Variants in PCDHGC3 observed in about 807,000 individuals in gnomAD.
PCDHGC3 encodes the protein protocadherin gamma-C3.
In PCDHGC3, 26 loss-of-function variants were observed where a neutral mutation model predicts 59.2. That is an observed-to-expected ratio of 0.44 (90% CI 0.32 to 0.61). The LOEUF (loss-of-function observed/expected upper bound fraction) is 0.61, where lower values mean the gene tolerates loss of function less well. PCDHGC3 is among the 20% of genes least tolerant of loss of function. The pLI, the probability that PCDHGC3 is intolerant of heterozygous loss-of-function variation, is 0.05. For synonymous variants in PCDHGC3, 487 were observed against 519.7 expected, an observed-to-expected ratio of 0.94 and a Z score of 0.86; for missense variants, 1,080 against 1,221.8, an observed-to-expected ratio of 0.88 and a Z score of 1.73.
intron 1 of PCDHGC3, among the ~76,000 whole-genome samples, chr5:141,494,397 A>G (rs965158973): frequency 7.2e-5 from 11 of 152,208 alleles, no homozygotes; most frequent in African/African-American, 2.4e-4. Flanking sequence ...GAATAAATTC[A>G]TTCTAGGGCT....
At chr5:141,484,352 T>A (rs112226980) in intron 1 of PCDHGC3, among the ~76,000 whole-genome samples, 8,127 of 152,270 alleles carry the variant, frequency 0.053, 445 homozygotes, top group African/African-American at 0.15. Context: ...TAATTTAGTG[T>A]ATCTAGTGTA....
At position 141,486,679 on chromosome 5, in the gene PCDHGC3, A is replaced by G. The variant is rs1416879364; in HGVS notation, c.2431-8128A>G. The G allele has an allele frequency of 6.2e-7, 1 of 1,614,092 alleles. No individual in the cohort carries two copies. The highest frequency in any genetic ancestry group is 1.7e-5 in the Admixed American group (1 of 60,026). On this transcript the variant is annotated intron_variant, in intron 1 of 3. Coordinates refer to ENST00000308177, the MANE Select transcript of PCDHGC3 (RefSeq NM_002588.4). The surrounding 1 kb of genome is among the most constrained non-coding windows in gnomAD (Gnocchi z 5.0). Reference sequence around the variant, plus strand: ...TCCTGGAGCCCAGGAATCGAGATGTATCAGCTTCCTCTTTCATCTCTCTGA... The same window carrying G: ...TCCTGGAGCCCAGGAATCGAGATGTGTCAGCTTCCTCTTTCATCTCTCTGA...
chr5:141,492,274 A>C (rs2099739010), intron 1 of PCDHGC3, among the ~76,000 whole-genome samples: 1 of 152,024 alleles, frequency 6.6e-6, no homozygotes, highest in Non-Finnish European at 1.5e-5. Flanking sequence ...CGGGCTCGCC[A>C]CGCCCCGCCA....
chr5:141,506,025 A>T (rs2099850088), intron 3 of PCDHGC3, among the ~76,000 whole-genome samples: 1 of 152,150 alleles, frequency 6.6e-6, no homozygotes, highest in African/African-American at 2.4e-5. Context: ...CCCTAACTCC[A>T]GAGTAGGATT....
intron 3 of PCDHGC3, among the ~76,000 whole-genome samples, chr5:141,507,802 T>G (rs886950696): frequency 6.6e-6 from 1 of 152,204 alleles, no homozygotes; most frequent in African/African-American, 2.4e-5. Context: ...GCCTGCGCCC[T>G]GGGGAACGGA....
chr5:141,489,397 G>T lies in PCDHGC3; in HGVS notation c.2431-5410G>T. ...GGTGGGGAATGTTGCTCAGGATCTG[G>T]GCTTAAAGATGACAGATCTGTTGAG... On this transcript the variant is annotated intron_variant, in intron 1 of 3. Coordinates refer to ENST00000308177, the MANE Select transcript of PCDHGC3 (RefSeq NM_002588.4). The surrounding 1 kb of genome is among the most constrained non-coding windows in gnomAD (Gnocchi z 4.5). 2 of 1,614,176 alleles carry T rather than the reference G, an allele frequency of 1.2e-6. No individual in the cohort carries two copies. Among genetic ancestry groups the T allele is most frequent in the Non-Finnish European group, 1.7e-6 (2 of 1,180,038 alleles).
Position 141,486,369 on chromosome 5 carries a change from C to A in PCDHGC3, c.2430+7823C>A. On this transcript the variant is annotated intron_variant, in intron 1 of 3. Coordinates refer to ENST00000308177, the MANE Select transcript of PCDHGC3 (RefSeq NM_002588.4). This position sits in a 1 kb window ranked among gnomAD's most constrained non-coding sequence, Gnocchi z 5.0. ...GACCACTTGCCATTTGCCCTCAAGT[C>A]TGCCTTCAGGAACCAGTTCTCCCTG... 6.2e-7 allele frequency: 1 copy of A among 1,614,128 alleles called. No individual in the cohort carries two copies. Among genetic ancestry groups the A allele is most frequent in the African/African-American group, 1.3e-5 (1 of 75,048 alleles).
rs1329435709 is a variant in PCDHGC3 at position 141,485,726 on chromosome 5, C to T, written c.2430+7180C>T. ...ACACTTTGCACTGGATGTGAAGAAGCGCAGCGACGGCAGCCTGGTCCCAGA... is the reference window on the plus strand; with the variant it reads ...ACACTTTGCACTGGATGTGAAGAAGTGCAGCGACGGCAGCCTGGTCCCAGA... On this transcript the variant is annotated intron_variant, in intron 1 of 3. Coordinates refer to ENST00000308177, the MANE Select transcript of PCDHGC3 (RefSeq NM_002588.4). This position sits in a 1 kb window ranked among gnomAD's most constrained non-coding sequence, Gnocchi z 5.7. 2 of 1,614,138 alleles carry T rather than the reference C, an allele frequency of 1.2e-6. No homozygotes were observed. The highest frequency in any genetic ancestry group is 8.5e-7 in the Non-Finnish European group (1 of 1,180,024).
rs1367772661 is a variant in PCDHGC3, at chr5:141,512,193, GGAAGCTC to G, written c.*1026_*1032del. 2.0e-5 allele frequency: 3 copies of G among 152,756 alleles called. No homozygotes were observed. Among genetic ancestry groups the G allele is most frequent in the Non-Finnish European group, 4.4e-5 (3 of 68,136 alleles). 9.5% of individuals were successfully genotyped at this position (152,756 alleles called of 1,614,324 possible). ...GGATTAAACTGGCATTTCAGTCCAAGGAAGCTCGAAGCAGGTTTAGGACCAGGTCCCC... is the reference window on the plus strand; with the variant it reads ...GGATTAAACTGGCATTTCAGTCCAAGGAAGCAGGTTTAGGACCAGGTCCCC... On this transcript the variant is annotated 3_prime_UTR_variant, in exon 4 of 4. Coordinates refer to ENST00000308177, the MANE Select transcript of PCDHGC3 (RefSeq NM_002588.4).
At chr5:141,497,464 T>G (rs1277760390) in intron 2 of PCDHGC3, among the ~76,000 whole-genome samples, 1 of 151,764 alleles carries the variant, frequency 6.6e-6, no homozygotes, top group Non-Finnish European at 1.5e-5. Flanking sequence ...CTTGGAGATA[T>G]GGAGGAGAAG....
chr5:141,500,184 T>TTTTTTTTATTTA (rs1554186429), intron 2 of PCDHGC3, among the ~76,000 whole-genome samples: 16 of 135,886 alleles, frequency 1.2e-4, no homozygotes, highest in African/African-American at 4.3e-4. Context: ...TCATTTTTAT[T>TTTTTTTTATTTA]TTTATTTATT....
Position 141,487,503 on chromosome 5 carries a change from C to T in PCDHGC3, c.2431-7304C>T. On this transcript the variant is annotated intron_variant, in intron 1 of 3. Transcript: ENST00000308177. The surrounding 1 kb of genome is among the most constrained non-coding windows in gnomAD (Gnocchi z 5.0). The stretch of plus-strand genomic sequence containing the variant: ...TCTCATGGCTGTACACCCTTGGCTT[C>T]TGCACCCACTCGGAGTGATAGCTTC... 1 of 1,614,220 alleles carries T rather than the reference C, an allele frequency of 6.2e-7. No homozygotes were observed. Among genetic ancestry groups the T allele is most frequent in the Non-Finnish European group, 8.5e-7 (1 of 1,180,042 alleles).
At position 141,475,990 on chromosome 5, in the gene PCDHGC3, A is replaced by T; in HGVS notation, c.-127A>T. ...CAGAGACTGAACAGCCGGCGAGCAA[A>T]TCAACGGCATCCAGAAAGCCATGTC... On this transcript the variant is annotated 5_prime_UTR_variant, in exon 1 of 4. Transcript: ENST00000308177. 1 of 1,140,672 alleles carries T rather than the reference A, an allele frequency of 8.8e-7. No homozygotes were observed. The highest frequency in any genetic ancestry group is 1.2e-6 in the Non-Finnish European group (1 of 808,588). The allele number at this position is 1,140,672 out of a possible 1,614,324, so 70.7% of individuals were successfully genotyped here. A position where few individuals can be genotyped will look rare whatever the true frequency, so the allele number is the denominator to read the frequency against.
In PCDHGC3 at chr5:141,487,568, C is replaced by T. The variant is rs752378906; in HGVS notation, c.2431-7239C>T. Reference sequence around the variant, plus strand: ...ACCCAGTGCACCTATGGCAGGGGAGCCTGTTCGCCCAAGCTGCCCACCCTC... The same window carrying T: ...ACCCAGTGCACCTATGGCAGGGGAGTCTGTTCGCCCAAGCTGCCCACCCTC... On this transcript the variant is annotated intron_variant, in intron 1 of 3. Transcript: ENST00000308177. This position sits in a 1 kb window ranked among gnomAD's most constrained non-coding sequence, Gnocchi z 5.0. The T allele has an allele frequency of 1.2e-6, 2 of 1,614,180 alleles. No individual in the cohort carries two copies. The highest frequency in any genetic ancestry group is 1.7e-6 in the Non-Finnish European group (2 of 1,180,042).
chr5:141,483,870 G>C (rs548525439), intron 1 of PCDHGC3, among the ~76,000 whole-genome samples: 9 of 152,142 alleles, frequency 5.9e-5, no homozygotes, highest in Non-Finnish European at 1.3e-4. Context: ...TCCAGATCAG[G>C]ATGGATTTTT....
chr5:141,485,663 A>G lies in PCDHGC3; in HGVS notation c.2430+7117A>G, dbSNP rs1594506698. ...AAAGGCTCAGGATGCAGATGTGGGG[A>G]GCAATTCGATTAGCAGCTATAGGCT... On this transcript the variant is annotated intron_variant, in intron 1 of 3. Transcript: ENST00000308177. The surrounding 1 kb of genome is among the most constrained non-coding windows in gnomAD (Gnocchi z 5.7). The G allele has an allele frequency of 1.2e-6, 2 of 1,612,638 alleles. No homozygotes were observed. Among genetic ancestry groups the G allele is most frequent in the East Asian group, 4.5e-5 (2 of 44,840 alleles).
At position 141,485,677 on chromosome 5, in the gene PCDHGC3, C is replaced by T. The variant is rs757797282; in HGVS notation, c.2430+7131C>T. ...CAGATGTGGGGAGCAATTCGATTAG[C>T]AGCTATAGGCTGAGCTCCAATGAAC... On this transcript the variant is annotated intron_variant, in intron 1 of 3. Transcript: ENST00000308177. This position sits in a 1 kb window ranked among gnomAD's most constrained non-coding sequence, Gnocchi z 5.7. 2.4e-5 allele frequency: 38 copies of T among 1,612,714 alleles called. No individual in the cohort carries two copies. In the East Asian group the frequency reaches 7.8e-4, roughly 33 times the overall value.
chr5:141,485,625 G>C lies in PCDHGC3; in HGVS notation c.2430+7079G>C. On this transcript the variant is annotated intron_variant, in intron 1 of 3. Transcript: ENST00000308177. This position sits in a 1 kb window ranked among gnomAD's most constrained non-coding sequence, Gnocchi z 5.7. ...GGGGAGGCAGCTCCTCCAGGACAGC[G>C]TTTCCCGTTGGAAAAGGCTCAGGAT... The C allele has an allele frequency of 6.2e-7, 1 of 1,611,968 alleles. No individual in the cohort carries two copies. Among genetic ancestry groups the C allele is most frequent in the Non-Finnish European group, 8.5e-7 (1 of 1,178,504 alleles).
At chr5:141,504,483 AGGCACC>A (rs2099838618) in intron 2 of PCDHGC3, among the ~76,000 whole-genome samples, 1 of 151,954 alleles carries the variant, frequency 6.6e-6, no homozygotes, top group Non-Finnish European at 1.5e-5. Flanking sequence ...AGTACAGTGG[AGGCACC>A]TGCCCAGTCT....
Sources: gnomAD v4.1 joint callset for allele counts (sites outside exome capture counted in the v4.1 genomes callset) on GRCh38, gnomAD v4.1.1 for gene constraint, Gnocchi (gnomAD v3.1) non-coding constraint, MANE v1.5 for transcripts, NCBI Gene and HGNC (gene_info 2026-07-23, HGNC 2026-07-21) for gene names.